Variants in SEMA3A observed in about 807,000 individuals in gnomAD.
SEMA3A encodes semaphorin 3A.
Under a neutral mutation model 97.9 loss-of-function variants are expected in SEMA3A, and 29 were observed. The observed-to-expected ratio is 0.30, with a 90% CI of 0.22 to 0.40. SEMA3A has a LOEUF of 0.40. Among genes scored for constraint, SEMA3A ranks in the 10% least tolerant of loss-of-function variants. SEMA3A has a pLI of 1.00. For missense variants in SEMA3A, 763 were observed against 951.3 expected (o/e 0.80, Z 2.60); for synonymous variants, 321 against 323.7 (o/e 0.99, Z 0.09).
At chr7:84,198,245 G>C (rs1798282380), upstream of SEMA3A, among the ~76,000 whole-genome samples, 1 of 150,980 alleles carries the variant, frequency 6.6e-6, no homozygotes. Context: ...GCCCAGGCTG[G>C]AGTGCAGTGG....
chr7:84,431,264 T>G (rs1046327259), intron 1 of SEMA3A, among the ~76,000 whole-genome samples: 25 of 152,176 alleles, frequency 1.6e-4, no homozygotes, highest in African/African-American at 6.0e-4. Flanking sequence ...AAAAGCTAAG[T>G]GCATTTAAAC....
intron 1 of SEMA3A, among the ~76,000 whole-genome samples, chr7:84,139,429 T>C (rs1191311252): frequency 4.6e-5 from 7 of 152,068 alleles, no homozygotes; most frequent in Admixed American, 4.6e-4. Flanking sequence ...ATAAAGTATG[T>C]ATTCTTAAAT....
intron 3 of SEMA3A, among the ~76,000 whole-genome samples, chr7:84,112,412 C>A (rs945531509): frequency 1.3e-5 from 2 of 152,156 alleles, no homozygotes; most frequent in African/African-American, 4.8e-5. Context: ...GCATGCCATG[C>A]CTTTAAAGAT....
Position 84,001,548 on chromosome 7 carries a change from G to T in SEMA3A, c.1452+407C>A, listed in dbSNP as rs138537349. 1.7e-3 allele frequency among the ~76,000 whole-genome samples: 262 copies of T among 152,082 alleles called. 2 individuals are homozygous for T. The highest frequency in any genetic ancestry group is 6.2e-3 in the African/African-American group (258 of 41,482). Reference sequence around the variant, plus strand: ...ACGTAAGCTAAAAATTGACTGAAATGTCTTCAGTATTCTGTCATTCCGAAT... The same window carrying T: ...ACGTAAGCTAAAAATTGACTGAAATTTCTTCAGTATTCTGTCATTCCGAAT... On this transcript the variant is annotated intron_variant, in intron 12 of 16. Transcript: ENST00000265362.
chr7:84,373,370 T>C (rs1256836316), intron 1 of SEMA3A, among the ~76,000 whole-genome samples: 2 of 152,206 alleles, frequency 1.3e-5, no homozygotes, highest in Non-Finnish European at 2.9e-5. Flanking sequence ...CAGCGTTACA[T>C]GGACATATTT....
intron 4 of SEMA3A, among the ~76,000 whole-genome samples, chr7:84,102,592 T>A (rs1169973600): frequency 7.2e-6 from 1 of 138,132 alleles, no homozygotes; most frequent in Non-Finnish European, 1.5e-5. Context: ...TTATCGCTTT[T>A]TTTTTTTTTT....
chr7:84,034,038 C>A lies in SEMA3A; in HGVS notation c.667+12286G>T, dbSNP rs115382529. ...TTACTCTGTCATCCAGGCTGGAGTTCCCTGGTGTGATCTCAGCTCACTGTC... is the reference window on the plus strand; with the variant it reads ...TTACTCTGTCATCCAGGCTGGAGTTACCTGGTGTGATCTCAGCTCACTGTC... On this transcript the variant is annotated intron_variant, in intron 6 of 16. Coordinates refer to ENST00000265362, the MANE Select transcript of SEMA3A (RefSeq NM_006080.3). Among the ~76,000 whole-genome samples, 1,409 of 151,208 alleles carry A rather than the reference C, an allele frequency of 9.3e-3. 16 individuals are homozygous for A. The highest frequency in any genetic ancestry group is 0.032 in the African/African-American group (1,326 of 41,120).
intron 1 of SEMA3A, among the ~76,000 whole-genome samples, chr7:84,189,133 A>G (rs1410671706): frequency 2.0e-5 from 3 of 151,994 alleles, no homozygotes; most frequent in East Asian, 3.9e-4. Flanking sequence ...ACTTGTTCTA[A>G]TGTATGTTTA....
Position 84,055,493 on chromosome 7 carries a change from TTGACTAGGAAAGGGAACTCCC to T in SEMA3A, c.547+4951_547+4971del, listed in dbSNP as rs1452017573. On this transcript the variant is annotated intron_variant, in intron 5 of 16. Transcript: ENST00000265362. ...CAGGTGCCATCCGTCACCCCTTTCT[TTGACTAGGAAAGGGAACTCCC>T]TGACCCCTTGCGCTTCCCGAGTGAG... is the stretch of plus-strand genomic sequence containing the variant. Among the ~76,000 whole-genome samples, 93 of 152,062 alleles carry T rather than the reference TTGACTAGGAAAGGGAACTCCC, an allele frequency of 6.1e-4. 3 individuals carry two copies. Among genetic ancestry groups the T allele is most frequent in the Admixed American group, 6.0e-3 (92 of 15,280 alleles).
Position 84,160,565 on chromosome 7 carries a change from T to C in SEMA3A, c.113-25614A>G, listed in dbSNP as rs563661578. ...CTCCATCTCAAGATAAAGAAATAAA[T>C]AAAAACAAACAAACAAAAAAATTCC... is the stretch of plus-strand genomic sequence containing the variant. On this transcript the variant is annotated intron_variant, in intron 1 of 16. Coordinates refer to ENST00000265362, the MANE Select transcript of SEMA3A (RefSeq NM_006080.3). 2.8e-3 allele frequency among the ~76,000 whole-genome samples: 415 copies of C among 146,184 alleles called. 3 individuals are homozygous for C. Among genetic ancestry groups the C allele is most frequent in the Non-Finnish European group, 5.1e-3 (340 of 66,290 alleles).
At chr7:83,999,696 A>G (rs566977697) in intron 12 of SEMA3A, among the ~76,000 whole-genome samples, 1 of 152,238 alleles carries the variant, frequency 6.6e-6, no homozygotes, top group South Asian at 2.1e-4. Context: ...CCTGTTTTAA[A>G]AATGTATTAT....
intron 2 of SEMA3A, among the ~76,000 whole-genome samples, chr7:84,322,957 A>G (rs576761797): frequency 6.6e-6 from 1 of 150,944 alleles, no homozygotes; most frequent in African/African-American, 2.5e-5. Context: ...CTAGATTGGA[A>G]ACTTGATTCT....
intron 1 of SEMA3A, among the ~76,000 whole-genome samples, chr7:84,471,710 G>A (rs1806155415): frequency 6.6e-6 from 1 of 152,060 alleles, no homozygotes; most frequent in Admixed American, 6.6e-5. Flanking sequence ...TTGCTAGAGT[G>A]CAACAAAATC....
chr7:84,068,950 C>G (rs1793642751), intron 4 of SEMA3A, among the ~76,000 whole-genome samples: 1 of 152,060 alleles, frequency 6.6e-6, no homozygotes, highest in African/African-American at 2.4e-5. Flanking sequence ...AGTTAGTCAC[C>G]TCTTTTACCG....
chr7:84,387,935 A>C (rs1803441179), intron 1 of SEMA3A, among the ~76,000 whole-genome samples: 1 of 152,168 alleles, frequency 6.6e-6, no homozygotes, highest in Non-Finnish European at 1.5e-5. Context: ...CTGTTATACA[A>C]AAACCATGTG....
chr7:83,961,115 T>C lies in SEMA3A; in HGVS notation c.*256A>G, dbSNP rs567922442. On this transcript the variant is annotated 3_prime_UTR_variant, in exon 17 of 17. Transcript: ENST00000265362. Reference sequence around the variant, plus strand: ...GACAAACCTGTACAGTGAAATCTCATAGGAAACATTAAGTCTGCTAAAGTG... The same window carrying C: ...GACAAACCTGTACAGTGAAATCTCACAGGAAACATTAAGTCTGCTAAAGTG... 3.5e-4 allele frequency: 169 copies of C among 484,836 alleles called. No individual in the cohort carries two copies. Among genetic ancestry groups the C allele is most frequent in the Non-Finnish European group, 5.3e-4 (142 of 268,394 alleles). 30.0% of individuals were successfully genotyped at this position (484,836 alleles called of 1,614,324 possible).
intron 3 of SEMA3A, among the ~76,000 whole-genome samples, chr7:84,282,464 T>C (rs938719032): frequency 6.6e-6 from 1 of 152,158 alleles, no homozygotes; most frequent in African/African-American, 2.4e-5. Flanking sequence ...TTTATTAAAA[T>C]GTTATTATCT....
chr7:84,307,005 A>G (rs1801175471), intron 3 of SEMA3A, among the ~76,000 whole-genome samples: 1 of 152,024 alleles, frequency 6.6e-6, no homozygotes, highest in Non-Finnish European at 1.5e-5. Context: ...GGCAATTCCT[A>G]CAAACTGATT....
intron 6 of SEMA3A, among the ~76,000 whole-genome samples, chr7:84,027,531 T>C (rs1791592683): frequency 1.3e-5 from 2 of 152,198 alleles, no homozygotes; most frequent in Admixed American, 1.3e-4. Flanking sequence ...CTAAGTTTTT[T>C]GTTTGTTTGT....
Sources: gnomAD v4.1 joint callset for allele counts (sites outside exome capture counted in the v4.1 genomes callset) on GRCh38, gnomAD v4.1.1 for gene constraint, MANE v1.5 for transcripts, NCBI Gene and HGNC (gene_info 2026-07-23, HGNC 2026-07-21) for gene names.